The following WWOX variants were observed in gnomAD, a reference collection of about 807,000 sequenced individuals.
WWOX encodes the protein WW domain containing oxidoreductase.
In WWOX, 69 loss-of-function variants were observed where a neutral mutation model predicts 46.2. The ratio of observed to expected loss-of-function variants is 1.49; its 90% CI spans 1.23 to 1.82. The LOEUF is 1.82. Among genes scored for constraint, WWOX ranks in the 40% most tolerant of loss-of-function variants. The pLI, the probability that WWOX is intolerant of heterozygous loss-of-function variation, is 0.00. For synonymous variants in WWOX, 359 were observed against 202.6 expected (o/e 1.77, Z -6.56); for missense variants, 919 against 542.6 (o/e 1.69, Z -6.89).
chr16:78,452,398 TTGTG>T (rs1024812941), intron 8 of WWOX, among the ~76,000 whole-genome samples: 100 of 152,244 alleles, frequency 6.6e-4, no homozygotes, highest in African/African-American at 2.4e-3. Flanking sequence ...TTAGATATGT[TTGTG>T]TGTGTATGCA....
intron 8 of WWOX, among the ~76,000 whole-genome samples, chr16:79,189,731 C>T (rs2051093866): frequency 6.6e-6 from 1 of 151,836 alleles, no homozygotes; most frequent in Admixed American, 6.6e-5. Context: ...GGGGTTTCAT[C>T]CCGCCGTGTT....
chr16:78,624,807 T>C (rs988464759), intron 8 of WWOX, among the ~76,000 whole-genome samples: 1 of 152,246 alleles, frequency 6.6e-6, no homozygotes, highest in Non-Finnish European at 1.5e-5. Flanking sequence ...TTATTCCCTG[T>C]ACGATTTCTG....
At chr16:78,760,685 C>G (rs2049770073) in intron 8 of WWOX, among the ~76,000 whole-genome samples, 2 of 152,168 alleles carry the variant, frequency 1.3e-5, no homozygotes, top group Non-Finnish European at 2.9e-5. Context: ...TCTCAAGCTG[C>G]TGATTTCCGG....
At position 78,996,114 on chromosome 16, in the gene WWOX, T is replaced by G. The variant is rs370558233; in HGVS notation, c.1057-215494T>G. ...TGAAATCAGAACGTGGCCCCTTCCA[T>G]GAAAGTCAGCTCAGGCGTAGAATGT... On this transcript the variant is annotated intron_variant, in intron 8 of 8. Coordinates refer to ENST00000566780, the MANE Select transcript of WWOX (RefSeq NM_016373.4). 61 of 822,890 alleles carry G rather than the reference T, an allele frequency of 7.4e-5. No individual in the cohort carries two copies. The African/African-American group carries it at 8.9e-4, about 12-fold the overall frequency. 51.0% of individuals were successfully genotyped at this position (822,890 alleles called of 1,614,324 possible).
At chr16:78,681,353 A>C (rs1315852361) in intron 8 of WWOX, among the ~76,000 whole-genome samples, 1 of 152,180 alleles carries the variant, frequency 6.6e-6, no homozygotes, top group Non-Finnish European at 1.5e-5. Context: ...GCAGTGAGCT[A>C]TGATCTTGCC....
intron 8 of WWOX, among the ~76,000 whole-genome samples, chr16:78,610,125 A>T (rs2045865141): frequency 1.3e-5 from 2 of 152,152 alleles, no homozygotes; most frequent in Non-Finnish European, 2.9e-5. Context: ...TTCATTTTCA[A>T]GGTGTCCTCA....
intron 8 of WWOX, among the ~76,000 whole-genome samples, chr16:78,597,611 A>C (rs2045520973): frequency 6.6e-6 from 1 of 152,120 alleles, no homozygotes; most frequent in Non-Finnish European, 1.5e-5. Flanking sequence ...TAACCTCATT[A>C]AGTTTAAAAT....
chr16:78,569,828 C>G (rs1176388897), intron 8 of WWOX, among the ~76,000 whole-genome samples: 1 of 152,106 alleles, frequency 6.6e-6, no homozygotes, highest in East Asian at 1.9e-4. Context: ...GCTAATAAAC[C>G]ATATTCGTAA....
intron 8 of WWOX, chr16:79,016,390 G>A (rs981565182): frequency 2.6e-5 from 4 of 151,990 alleles, no homozygotes; most frequent in Non-Finnish European, 4.4e-5. Flanking sequence ...ACTTGCCCAC[G>A]AGCAGCAACT....
At chr16:78,762,530 C>A (rs2049819603) in intron 8 of WWOX, among the ~76,000 whole-genome samples, 1 of 152,306 alleles carries the variant, frequency 6.6e-6, no homozygotes, top group East Asian at 1.9e-4. Flanking sequence ...CCCTGTAATG[C>A]AAAATTCAGA....
intron 5 of WWOX, among the ~76,000 whole-genome samples, chr16:78,194,587 CAA>C (rs368008924): frequency 0.087 from 8,604 of 98,348 alleles, 245 homozygotes; most frequent in Non-Finnish European, 0.11. Context: ...GACTCCATCT[CAA>C]AAAAAAAAAA....
At chr16:78,383,027 G>T (rs1291013378) in intron 5 of WWOX, among the ~76,000 whole-genome samples, 1 of 150,834 alleles carries the variant, frequency 6.6e-6, no homozygotes, top group African/African-American at 2.4e-5. Context: ...ATAGGGGGAG[G>T]TGATATGCTC....
chr16:78,103,583 C>G (rs554495544), intron 1 of WWOX, among the ~76,000 whole-genome samples: 1 of 152,114 alleles, frequency 6.6e-6, no homozygotes, highest in Non-Finnish European at 1.5e-5. Flanking sequence ...TTCCCTTGAT[C>G]TCTCCTGATC....
chr16:78,488,531 C>G (rs534203897), intron 8 of WWOX, among the ~76,000 whole-genome samples: 1 of 152,296 alleles, frequency 6.6e-6, no homozygotes, highest in South Asian at 2.1e-4. Context: ...GGCATCTGCA[C>G]ATGAGCAGAC....
At chr16:79,031,456 A>T (rs1485267134) in intron 8 of WWOX, among the ~76,000 whole-genome samples, 1 of 151,900 alleles carries the variant, frequency 6.6e-6, no homozygotes, top group African/African-American at 2.4e-5. Flanking sequence ...AAGGGACTCA[A>T]TTTTTGTGGG....
intron 7 of WWOX, among the ~76,000 whole-genome samples, chr16:78,428,555 C>CTAT (rs1396215847): frequency 6.6e-6 from 1 of 152,284 alleles, no homozygotes; most frequent in East Asian, 1.9e-4. Context: ...CTGGTTTTGT[C>CTAT]TAATTTGTCA....
chr16:78,758,749 C>T (rs1260888121), intron 8 of WWOX, among the ~76,000 whole-genome samples: 3 of 152,002 alleles, frequency 2.0e-5, no homozygotes, highest in East Asian at 1.9e-4. Flanking sequence ...AATTTATACT[C>T]ACTGGGGTGG....
Position 78,617,668 on chromosome 16 carries a change from C to T in WWOX, c.1056+184916C>T, listed in dbSNP as rs114597538. Among the ~76,000 whole-genome samples, 1,453 of 152,212 alleles carry T rather than the reference C, an allele frequency of 9.5e-3. 25 individuals are homozygous for T. The highest frequency in any genetic ancestry group is 0.034 in the African/African-American group (1,396 of 41,526). On this transcript the variant is annotated intron_variant, in intron 8 of 8. Transcript: ENST00000566780. Reference sequence around the variant, plus strand: ...CCCCCTGCTCCTCAAGCTTGCATGGCGCTCAGGTATTCCAGTGGGCCCCGC... The same window carrying T: ...CCCCCTGCTCCTCAAGCTTGCATGGTGCTCAGGTATTCCAGTGGGCCCCGC...
chr16:78,229,504 A>C (rs1337695867), intron 5 of WWOX, among the ~76,000 whole-genome samples: 6 of 103,028 alleles, frequency 5.8e-5, no homozygotes, highest in South Asian at 3.7e-4. Flanking sequence ...ATTTATCTAT[A>C]TCTATATAGA....
Sources: gnomAD v4.1 joint callset for allele counts (sites outside exome capture counted in the v4.1 genomes callset) on GRCh38, gnomAD v4.1.1 for gene constraint, MANE v1.5 for transcripts, NCBI Gene and HGNC (gene_info 2026-07-23, HGNC 2026-07-21) for gene names.